ARHGAP15: variants seen among roughly 807,000 people sequenced by gnomAD.
ARHGAP15 encodes the protein rho GTPase-activating protein 15.
A neutral mutation model predicts 63.7 loss-of-function variants in ARHGAP15; 51 were observed. The observed-to-expected ratio is 0.80, with a 90% CI of 0.64 to 1.01. The LOEUF (loss-of-function observed/expected upper bound fraction) is 1.01. Among genes scored for constraint, ARHGAP15 ranks in the 50% least tolerant of loss-of-function variants. The probability of loss-of-function intolerance (pLI) is 0.00; values close to 1 mark genes in which losing one functional copy is unlikely to be tolerated. For missense variants in ARHGAP15, 560 were observed against 564.6 expected (o/e 0.99, Z 0.08); for synonymous variants, 191 against 193.8 (o/e 0.99, Z 0.12).
intron 6 of ARHGAP15, among the ~76,000 whole-genome samples, chr2:143,374,527 T>C (rs1686718620): frequency 6.6e-6 from 1 of 152,172 alleles, no homozygotes; most frequent in South Asian, 2.1e-4. Context: ...TTTTTTGAGA[T>C]AGTGTCTTGC....
intron 6 of ARHGAP15, among the ~76,000 whole-genome samples, chr2:143,361,526 G>GACCA (rs1207080655): frequency 1.3e-5 from 2 of 152,128 alleles, no homozygotes; most frequent in African/African-American, 4.8e-5. Context: ...AAGATTCTGT[G>GACCA]TTGCCATCTG....
chr2:143,710,654 T>C (rs6757588), intron 13 of ARHGAP15, among the ~76,000 whole-genome samples: 39,869 of 152,134 alleles, frequency 0.26, 6,391 homozygotes, highest in Non-Finnish European at 0.36. Context: ...CATCTATCAT[T>C]GTTGTCTCTA....
At chr2:143,558,684 A>C (rs894481060) in intron 11 of ARHGAP15, among the ~76,000 whole-genome samples, 3 of 152,186 alleles carry the variant, frequency 2.0e-5, no homozygotes, top group African/African-American at 4.8e-5. Flanking sequence ...TTTCCATACA[A>C]GGAGTTCCTC....
At chr2:143,434,252 T>A (rs1418096873) in intron 6 of ARHGAP15, among the ~76,000 whole-genome samples, 1 of 152,130 alleles carries the variant, frequency 6.6e-6, no homozygotes, top group Non-Finnish European at 1.5e-5. Context: ...TTTAGACAGT[T>A]CTTCTCACAG....
chr2:143,755,908 G>A (rs1395516110), intron 13 of ARHGAP15, among the ~76,000 whole-genome samples: 1 of 152,058 alleles, frequency 6.6e-6, no homozygotes, highest in Non-Finnish European at 1.5e-5. Flanking sequence ...AGAGGTTGCA[G>A]CGAGCTGAGA....
At chr2:143,326,214 T>C (rs1684244210) in intron 6 of ARHGAP15, among the ~76,000 whole-genome samples, 1 of 152,224 alleles carries the variant, frequency 6.6e-6, no homozygotes, top group African/African-American at 2.4e-5. Context: ...TTTATTATTT[T>C]CAAAGCCCTT....
Position 143,412,932 on chromosome 2 carries a change from A to G in ARHGAP15, c.475-22669A>G, listed in dbSNP as rs180760219. Among the ~76,000 whole-genome samples, 4 of 152,120 alleles carry G rather than the reference A, an allele frequency of 2.6e-5. No homozygotes were observed. The East Asian group carries it at 7.7e-4, about 29-fold the overall frequency. The stretch of plus-strand genomic sequence containing the variant: ...TTTTTCTATGTTTAATCTACTATCA[A>G]ATTTCTCTTAATTTCAACTATTTTC... On this transcript the variant is annotated intron_variant, in intron 6 of 13. Coordinates refer to ENST00000295095, the MANE Select transcript of ARHGAP15 (RefSeq NM_018460.4).
intron 6 of ARHGAP15, among the ~76,000 whole-genome samples, chr2:143,318,708 A>G (rs1683850554): frequency 6.6e-6 from 1 of 152,086 alleles, no homozygotes; most frequent in Non-Finnish European, 1.5e-5. Context: ...TGGTAGGATC[A>G]TGATGAGGGT....
chr2:143,250,381 C>A, intron 5 of ARHGAP15, 130 bp from the exon 6 acceptor site: 2 of 567,514 alleles, frequency 3.5e-6, no homozygotes, highest in Non-Finnish European at 5.8e-6. Flanking sequence ...AATTAGGTTT[C>A]CCCTGGGGAA....
chr2:143,510,685 G>A (rs1216537235), intron 9 of ARHGAP15, among the ~76,000 whole-genome samples: 1 of 152,188 alleles, frequency 6.6e-6, no homozygotes, highest in Non-Finnish European at 1.5e-5. Flanking sequence ...CTTGCAGCCA[G>A]AAACCTTAAT....
At chr2:143,163,484 C>G (rs1009215725) in intron 2 of ARHGAP15, among the ~76,000 whole-genome samples, 1 of 151,588 alleles carries the variant, frequency 6.6e-6, no homozygotes, top group South Asian at 2.1e-4. Context: ...ATATTTGGAC[C>G]TATTTTTATG....
At chr2:143,625,581 T>C (rs750800283) in intron 12 of ARHGAP15, among the ~76,000 whole-genome samples, 16 of 152,168 alleles carry the variant, frequency 1.1e-4, no homozygotes, top group Non-Finnish European at 2.2e-4. Context: ...TCATGACCCC[T>C]CTACTTCTTC....
At chr2:143,301,795 A>G (rs1574237762) in intron 6 of ARHGAP15, among the ~76,000 whole-genome samples, 1 of 151,710 alleles carries the variant, frequency 6.6e-6, no homozygotes, top group Admixed American at 6.6e-5. Flanking sequence ...ATCTATATAC[A>G]TCCGTCTAGA....
At chr2:143,152,909 T>A (rs974288476) in intron 1 of ARHGAP15, among the ~76,000 whole-genome samples, 6 of 151,678 alleles carry the variant, frequency 4.0e-5, no homozygotes, top group Admixed American at 1.3e-4. Flanking sequence ...AACATTGTGG[T>A]AGAGAGAGAG....
At chr2:143,380,199 T>C (rs936721311) in intron 6 of ARHGAP15, among the ~76,000 whole-genome samples, 5 of 152,156 alleles carry the variant, frequency 3.3e-5, no homozygotes, top group Non-Finnish European at 4.4e-5. Flanking sequence ...TCCTACTTAA[T>C]CTACTATTTG....
chr2:143,589,346 T>C (rs1454328154), intron 11 of ARHGAP15, among the ~76,000 whole-genome samples: 6 of 152,254 alleles, frequency 3.9e-5, no homozygotes, highest in African/African-American at 1.4e-4. Context: ...TCATTTCTAA[T>C]ACCTGCTTTT....
chr2:143,599,048 G>GT (rs1486468629), intron 11 of ARHGAP15, among the ~76,000 whole-genome samples: 2 of 151,910 alleles, frequency 1.3e-5, no homozygotes, highest in Non-Finnish European at 2.9e-5. Context: ...GGAAGGGAGA[G>GT]TAGGGGTACA....
chr2:143,544,193 A>G (rs948563275), intron 10 of ARHGAP15, among the ~76,000 whole-genome samples: 8 of 152,180 alleles, frequency 5.3e-5, no homozygotes, highest in Non-Finnish European at 1.2e-4. Context: ...GAAATAGTTT[A>G]TGAAATACTT....
intron 12 of ARHGAP15, among the ~76,000 whole-genome samples, chr2:143,687,426 G>C (rs1175550059): frequency 6.6e-6 from 1 of 152,134 alleles, no homozygotes; most frequent in Non-Finnish European, 1.5e-5. Context: ...TATGAAACTA[G>C]AATATATTTA....
Sources: gnomAD v4.1 joint callset for allele counts (sites outside exome capture counted in the v4.1 genomes callset) on GRCh38, gnomAD v4.1.1 for gene constraint, MANE v1.5 for transcripts, NCBI Gene and HGNC (gene_info 2026-07-23, HGNC 2026-07-21) for gene names.